NKAIN2: variants seen among roughly 807,000 people sequenced by gnomAD.
The protein encoded by NKAIN2 is sodium/potassium-transporting ATPase subunit beta-1-interacting protein 2.
Under a neutral mutation model 32.6 loss-of-function variants are expected in NKAIN2, and 14 were observed. The ratio of observed to expected loss-of-function variants is 0.43; its 90% CI spans 0.28 to 0.67. NKAIN2 has a LOEUF of 0.67. NKAIN2 is among the 30% of genes least tolerant of loss of function. NKAIN2 has a pLI of 0.17. For synonymous variants in NKAIN2, 80 were observed against 87.2 expected, an observed-to-expected ratio of 0.92 and a Z score of 0.46; for missense variants, 198 against 258.3, an observed-to-expected ratio of 0.77 and a Z score of 1.60.
intron 3 of NKAIN2, among the ~76,000 whole-genome samples, chr6:124,647,265 G>T (rs2114381325): frequency 6.6e-6 from 1 of 151,906 alleles, no homozygotes; most frequent in East Asian, 1.9e-4. Context: ...AATGACTTCA[G>T]TCTGGGTGTG....
chr6:124,599,890 CTGTT>C (rs1469947157), intron 3 of NKAIN2, among the ~76,000 whole-genome samples: 1 of 152,054 alleles, frequency 6.6e-6, no homozygotes, highest in Non-Finnish European at 1.5e-5. Context: ...GAGGCCTGCT[CTGTT>C]TGTGTCAGAG....
chr6:124,478,298 G>C (rs1264725992), intron 3 of NKAIN2, among the ~76,000 whole-genome samples: 1 of 152,184 alleles, frequency 6.6e-6, no homozygotes, highest in African/African-American at 2.4e-5. Context: ...AAAAAGCACT[G>C]CTCTATTTAT....
At chr6:123,959,649 C>T (rs1777751604) in intron 1 of NKAIN2, among the ~76,000 whole-genome samples, 1 of 151,992 alleles carries the variant, frequency 6.6e-6, no homozygotes, top group East Asian at 1.9e-4. Context: ...ATGCATAGAG[C>T]AGAAATATAT....
chr6:124,315,041 A>G (rs1796887170), intron 2 of NKAIN2, among the ~76,000 whole-genome samples: 1 of 152,144 alleles, frequency 6.6e-6, no homozygotes. Context: ...TTATATAATA[A>G]ATGATTGATT....
chr6:124,228,887 G>A (rs975289105), intron 1 of NKAIN2, among the ~76,000 whole-genome samples: 10 of 152,154 alleles, frequency 6.6e-5, no homozygotes, highest in Non-Finnish European at 1.3e-4. Flanking sequence ...TTAAAACATA[G>A]TGCCTATGTT....
chr6:124,005,207 A>G (rs927847249), intron 1 of NKAIN2, among the ~76,000 whole-genome samples: 3 of 152,188 alleles, frequency 2.0e-5, no homozygotes, highest in Non-Finnish European at 4.4e-5. Flanking sequence ...CCTGAGCAAC[A>G]GAGTGAGACT....
At chr6:124,519,330 G>T (rs1207217945) in intron 3 of NKAIN2, among the ~76,000 whole-genome samples, 1 of 152,178 alleles carries the variant, frequency 6.6e-6, no homozygotes, top group Non-Finnish European at 1.5e-5. Context: ...TCTCAGTAAG[G>T]TGTAGTTCCA....
chr6:123,975,661 C>G (rs1778531903), intron 1 of NKAIN2, among the ~76,000 whole-genome samples: 1 of 152,102 alleles, frequency 6.6e-6, no homozygotes, highest in African/African-American at 2.4e-5. Flanking sequence ...TGAGGGCCAA[C>G]TTCCTCATAA....
At chr6:124,491,114 C>A (rs1777846309) in intron 3 of NKAIN2, among the ~76,000 whole-genome samples, 1 of 151,592 alleles carries the variant, frequency 6.6e-6, no homozygotes, top group South Asian at 2.1e-4. Context: ...GAGAATTACA[C>A]ACCTGCATTC....
chr6:123,974,506 G>A (rs1778468992), intron 1 of NKAIN2, among the ~76,000 whole-genome samples: 1 of 152,134 alleles, frequency 6.6e-6, no homozygotes, highest in African/African-American at 2.4e-5. Flanking sequence ...AAGGGAGACT[G>A]TAGTCTCTGC....
rs139574296 is a variant in NKAIN2 at position 123,896,955 on chromosome 6, A to G, written c.54+92701A>G. ...AACCCCACATTTCTTGTCTAAGTGAATGACCCCAATTACTCAAGCAAGAAA... is the reference window on the plus strand; with the variant it reads ...AACCCCACATTTCTTGTCTAAGTGAGTGACCCCAATTACTCAAGCAAGAAA... On this transcript the variant is annotated intron_variant, in intron 1 of 6. Transcript: ENST00000368417. Among the ~76,000 whole-genome samples the G allele has an allele frequency of 4.9e-3, 742 of 152,220 alleles. 5 individuals are homozygous for G. Among genetic ancestry groups the G allele is most frequent in the African/African-American group, 0.017 (706 of 41,548 alleles).
At chr6:124,664,848 AT>A (rs987848437) in intron 4 of NKAIN2, among the ~76,000 whole-genome samples, 1 of 150,194 alleles carries the variant, frequency 6.7e-6, no homozygotes, top group Non-Finnish European at 1.5e-5. Context: ...GTTAAAAAAC[AT>A]TAGCACAAGC....
At chr6:124,793,957 CAG>C (rs1223449362) in intron 5 of NKAIN2, among the ~76,000 whole-genome samples, 4 of 152,054 alleles carry the variant, frequency 2.6e-5, no homozygotes, top group African/African-American at 9.7e-5. Context: ...AGCCATGAGG[CAG>C]AGAGAGAGTG....
intron 1 of NKAIN2, among the ~76,000 whole-genome samples, chr6:124,037,750 G>C (rs1026070241): frequency 6.6e-6 from 1 of 152,056 alleles, no homozygotes; most frequent in Non-Finnish European, 1.5e-5. Context: ...TTATCTGAAG[G>C]CTACAATAGC....
intron 1 of NKAIN2, among the ~76,000 whole-genome samples, chr6:124,030,218 A>G (rs1205527956): frequency 6.6e-6 from 1 of 152,128 alleles, no homozygotes; most frequent in Non-Finnish European, 1.5e-5. Flanking sequence ...ATTATATATT[A>G]CAATGTAATA....
At chr6:123,936,060 C>G (rs553593444) in intron 1 of NKAIN2, among the ~76,000 whole-genome samples, 26 of 152,294 alleles carry the variant, frequency 1.7e-4, no homozygotes, top group Middle Eastern at 6.8e-3. Context: ...AAGTTGCTGA[C>G]TGCATCCACT....
At chr6:123,968,226 C>T (rs781236285) in intron 1 of NKAIN2, among the ~76,000 whole-genome samples, 2 of 152,144 alleles carry the variant, frequency 1.3e-5, no homozygotes, top group Non-Finnish European at 2.9e-5. Flanking sequence ...GGAAATGGAG[C>T]ACTTGCACTG....
At chr6:124,147,977 T>C (rs1787504939) in intron 1 of NKAIN2, among the ~76,000 whole-genome samples, 1 of 152,152 alleles carries the variant, frequency 6.6e-6, no homozygotes, top group Non-Finnish European at 1.5e-5. Context: ...TCTTCTCTCT[T>C]TAGTTTCCAC....
At chr6:124,626,307 G>A (rs1480975716) in intron 3 of NKAIN2, among the ~76,000 whole-genome samples, 2 of 151,838 alleles carry the variant, frequency 1.3e-5, no homozygotes, top group Non-Finnish European at 2.9e-5. Context: ...GCTTTTTCCT[G>A]CATTTGTGGA....
Sources: allele counts gnomAD v4.1 joint callset (sites outside exome capture counted in the v4.1 genomes callset), GRCh38; gene constraint gnomAD v4.1.1; transcripts MANE v1.5; gene names NCBI Gene and HGNC (gene_info 2026-07-23, HGNC 2026-07-21).